The following RANBP2 variants were observed in gnomAD, a reference collection of about 807,000 sequenced individuals.
RANBP2 encodes E3 SUMO-protein ligase RanBP2.
In RANBP2, 57 loss-of-function variants were observed where a neutral mutation model predicts 303.6. The observed-to-expected ratio is 0.19, with a 90% CI of 0.15 to 0.23. RANBP2 has a LOEUF of 0.23. Among genes scored for constraint, RANBP2 ranks in the 10% least tolerant of loss-of-function variants. The probability of loss-of-function intolerance (pLI) is 1.00; values close to 1 mark genes in which losing one functional copy is unlikely to be tolerated. For missense variants in RANBP2, 3,138 were observed against 3,780.8 expected (o/e 0.83, Z 4.46); for synonymous variants, 1,167 against 1,301.5 (o/e 0.90, Z 2.23).
the RANBP2 span, among the ~76,000 whole-genome samples, chr2:109,735,485 TCTC>T: frequency 0.017 from 2,513 of 152,268 alleles, 73 homozygotes; most frequent in African/African-American, 0.057. Context: ...CAGATCTCTC[TCTC>T]TCTCTCTCTT....
At chr2:109,603,210 CATA>C in the RANBP2 span, among the ~76,000 whole-genome samples, 26 of 152,012 alleles carry the variant, frequency 1.7e-4, no homozygotes, top group Non-Finnish European at 3.1e-4. Flanking sequence ...CACAAATGTA[CATA>C]ATGTTATTAT....
chr2:109,355,489 A>G, the RANBP2 span, among the ~76,000 whole-genome samples: 12 of 152,368 alleles, frequency 7.9e-5, no homozygotes, highest in Middle Eastern at 3.4e-3. Context: ...AACTGCTGTC[A>G]TGCTACAATG....
the RANBP2 span, among the ~76,000 whole-genome samples, chr2:109,530,120 C>T: frequency 6.6e-6 from 1 of 152,214 alleles, no homozygotes; most frequent in Non-Finnish European, 1.5e-5. Flanking sequence ...TGTTCAGCCT[C>T]ACTCATCAGC....
the RANBP2 span, among the ~76,000 whole-genome samples, chr2:109,114,573 CA>C: frequency 6.6e-6 from 1 of 151,848 alleles, no homozygotes; most frequent in Non-Finnish European, 1.5e-5. Flanking sequence ...TTGATCCTTT[CA>C]AAAAACCAGC....
chr2:109,626,169 G>C, the RANBP2 span, among the ~76,000 whole-genome samples: 1 of 152,114 alleles, frequency 6.6e-6, no homozygotes, highest in Non-Finnish European at 1.5e-5. Flanking sequence ...GTAACATCTA[G>C]ATGATAACAT....
chr2:108,739,293 C>T (rs1695876463), intron 6 of RANBP2, among the ~76,000 whole-genome samples: 1 of 152,070 alleles, frequency 6.6e-6, no homozygotes, highest in Admixed American at 6.5e-5. Flanking sequence ...GTCCCAGCTG[C>T]TCGGGAGGCT....
chr2:108,851,155 A>G, the RANBP2 span, among the ~76,000 whole-genome samples: 7 of 152,204 alleles, frequency 4.6e-5, no homozygotes, highest in Non-Finnish European at 8.8e-5. Flanking sequence ...AATGATGTAG[A>G]TGAAGAGAGA....
chr2:109,704,547 AAAAATT>A, the RANBP2 span, among the ~76,000 whole-genome samples: 1 of 150,664 alleles, frequency 6.6e-6, no homozygotes, highest in African/African-American at 2.4e-5. Context: ...AATAACAAAT[AAAAATT>A]AAAAAATTAA....
At chr2:109,277,593 C>T in the RANBP2 span, among the ~76,000 whole-genome samples, 2 of 152,300 alleles carry the variant, frequency 1.3e-5, no homozygotes, top group South Asian at 4.1e-4. Flanking sequence ...TATCTATCAC[C>T]CTGCACTCCT....
the RANBP2 span, among the ~76,000 whole-genome samples, chr2:108,856,100 T>C: frequency 6.6e-6 from 1 of 152,222 alleles, no homozygotes. Flanking sequence ...CTACTTCATT[T>C]GCAATGATTC....
the RANBP2 span, among the ~76,000 whole-genome samples, chr2:109,466,195 G>A: frequency 4.2e-5 from 6 of 144,402 alleles, no homozygotes; most frequent in Non-Finnish European, 8.9e-5. Flanking sequence ...CGATTCTCCT[G>A]CCTCAGCCTC....
the RANBP2 span, among the ~76,000 whole-genome samples, chr2:109,209,985 C>T: frequency 3.3e-5 from 5 of 152,266 alleles, no homozygotes; most frequent in East Asian, 1.9e-4. Context: ...CACGCTCAGC[C>T]CCCCCAGTAA....
the RANBP2 span, among the ~76,000 whole-genome samples, chr2:109,227,939 A>G: frequency 6.6e-6 from 1 of 152,236 alleles, no homozygotes; most frequent in Non-Finnish European, 1.5e-5. Flanking sequence ...TTTCCCAAAC[A>G]AACGTGCATT....
At chr2:109,501,732 A>T in the RANBP2 span, 1 of 699,136 alleles carries the variant, frequency 1.4e-6, no homozygotes, top group South Asian at 1.5e-5. Flanking sequence ...GCTCCACGGC[A>T]CACAGAGAGG....
At chr2:109,585,641 A>G in the RANBP2 span, 10 of 949,102 alleles carry the variant, frequency 1.1e-5, no homozygotes, top group Non-Finnish European at 1.7e-5. Flanking sequence ...TAACATGAGC[A>G]TTGTTCTGCC....
the RANBP2 span, among the ~76,000 whole-genome samples, chr2:109,395,914 T>G: frequency 6.6e-6 from 1 of 152,152 alleles, no homozygotes; most frequent in Non-Finnish European, 1.5e-5. Flanking sequence ...CTCAAAAGGG[T>G]CACAGGAGGA....
the RANBP2 span, among the ~76,000 whole-genome samples, chr2:109,466,475 A>G: frequency 6.6e-6 from 1 of 152,128 alleles, no homozygotes; most frequent in Non-Finnish European, 1.5e-5. Context: ...TTCTTTGTAC[A>G]TTTTAGATAT....
chr2:109,193,437 G>A, the RANBP2 span, among the ~76,000 whole-genome samples: 2 of 152,128 alleles, frequency 1.3e-5, no homozygotes, highest in East Asian at 3.8e-4. Context: ...TCTCCTTACT[G>A]TCACCCCAGC....
chr2:109,568,841 A>G, the RANBP2 span, among the ~76,000 whole-genome samples: 1 of 152,182 alleles, frequency 6.6e-6, no homozygotes, highest in Non-Finnish European at 1.5e-5. Flanking sequence ...TAGACAGCAG[A>G]GGAAGGAAAC....
Sources: allele counts gnomAD v4.1 joint callset (sites outside exome capture counted in the v4.1 genomes callset), GRCh38; gene constraint gnomAD v4.1.1; transcripts MANE v1.5; gene names NCBI Gene and HGNC (gene_info 2026-07-23, HGNC 2026-07-21).